PCDHGA4: variants seen among roughly 807,000 people sequenced by gnomAD.
The protein encoded by PCDHGA4 is protocadherin gamma subfamily A, 4.
PCDHGA4 carries 38 observed loss-of-function variants against 54.6 expected under a neutral mutation model. The ratio of observed to expected loss-of-function variants is 0.70; its 90% CI spans 0.54 to 0.91. The LOEUF is 0.91. Among genes scored for constraint, PCDHGA4 ranks in the 40% least tolerant of loss-of-function variants. The pLI is 0.00. For missense variants in PCDHGA4, 1,298 were observed against 1,220.9 expected, an observed-to-expected ratio of 1.06 and a Z score of -0.94; for synonymous variants, 511 against 512.9, an observed-to-expected ratio of 1.00 and a Z score of 0.05.
intron 1 of PCDHGA4, chr5:141,392,992 C>T (rs1233401263): frequency 1.2e-6 from 2 of 1,613,700 alleles, no homozygotes; most frequent in Non-Finnish European, 8.5e-7. Flanking sequence ...CGGAAGCTGG[C>T]GAAGCACGGA....
rs375619778 is a variant in PCDHGA4, at chr5:141,399,361, C to G, written c.2514+41740C>G. 11 of 1,613,960 alleles carry G rather than the reference C, an allele frequency of 6.8e-6. No homozygotes were observed. The Admixed American group carries it at 1.8e-4, about 27-fold the overall frequency. On this transcript the variant is annotated intron_variant, in intron 1 of 3. Transcript: ENST00000571252. ...TGGAACCCTAGACCGAGAGCAAACC[C>G]CGGAGTACAATGTCACCATCACAGC...
In PCDHGA4 at chr5:141,365,555, G is replaced by T. The variant is rs766239362; in HGVS notation, c.2514+7934G>T. ...TTACTATCACCTATTAACAACTAGG[G>T]ACCTGGACAGAGAAGAGACTTCAGA... On this transcript the variant is annotated intron_variant, in intron 1 of 3. Transcript: ENST00000571252. The T allele has an allele frequency of 4.3e-5, 70 of 1,613,524 alleles. No individual in the cohort carries two copies. The Admixed American group carries it at 5.7e-4, about 13-fold the overall frequency.
rs1024686607 is a variant in PCDHGA4, at chr5:141,487,597, T to C, written c.2515-7210T>C. 6.2e-7 allele frequency: 1 copy of C among 1,614,178 alleles called. No homozygotes were observed. The highest frequency in any genetic ancestry group is 8.5e-7 in the Non-Finnish European group (1 of 1,180,040). ...TTCGCCCAAGCTGCCCACCCTCTGA[T>C]CTTCTCTATGGGCTAGAGGTGAGAC... On this transcript the variant is annotated intron_variant, in intron 1 of 3. Coordinates refer to ENST00000571252, the MANE Select transcript of PCDHGA4 (RefSeq NM_018917.4). The surrounding 1 kb of genome is among the most constrained non-coding windows in gnomAD (Gnocchi z 5.0).
chr5:141,360,595 C>G, intron 1 of PCDHGA4: 2 of 1,614,022 alleles, frequency 1.2e-6, no homozygotes, highest in Non-Finnish European at 1.7e-6. Context: ...AACATTTCCA[C>G]TTGACCCAGC....
rs367914755 is a variant in PCDHGA4 at position 141,399,963 on chromosome 5, C to T, written c.2514+42342C>T. ...TGCTGCAGGCTAGCGAGCCCGGGCT[C>T]TTCAGCCTGGGGCTGCGCACAGGAG... On this transcript the variant is annotated intron_variant, in intron 1 of 3. Transcript: ENST00000571252. 793 of 1,612,310 alleles carry T rather than the reference C, an allele frequency of 4.9e-4. 4 individuals are homozygous for T. Among genetic ancestry groups the T allele is most frequent in the Non-Finnish European group, 3.8e-4 (443 of 1,179,704 alleles).
At chr5:141,498,588 A>G (rs1326073516) in intron 2 of PCDHGA4, among the ~76,000 whole-genome samples, 1 of 152,082 alleles carries the variant, frequency 6.6e-6, no homozygotes, top group Non-Finnish European at 1.5e-5. Context: ...GTTCTTCAGT[A>G]AACTTGGTTC....
chr5:141,370,781 C>T (rs774285137), intron 1 of PCDHGA4: 16 of 1,613,898 alleles, frequency 9.9e-6, no homozygotes, highest in Non-Finnish European at 1.3e-5. Context: ...TTAACGACAA[C>T]CCACCGACCT....
At chr5:141,379,736 T>G (rs1361966211) in intron 1 of PCDHGA4, 1 of 152,178 alleles carries the variant, frequency 6.6e-6, no homozygotes, top group Non-Finnish European at 1.5e-5. Context: ...AAGTTATGGC[T>G]AAATGAGGTT....
chr5:141,375,150 T>G, intron 1 of PCDHGA4: 1 of 1,613,946 alleles, frequency 6.2e-7, no homozygotes, highest in Non-Finnish European at 8.5e-7. Context: ...AGCAGAACAA[T>G]TGCTGAAAGT....
intron 1 of PCDHGA4, chr5:141,403,867 A>C (rs755401788): frequency 1.1e-5 from 17 of 1,613,606 alleles, no homozygotes; most frequent in Admixed American, 3.3e-5. Flanking sequence ...CAACAGCAAA[A>C]AGTCTAGATT....
chr5:141,370,433 G>A, intron 1 of PCDHGA4: 1 of 1,601,376 alleles, frequency 6.2e-7, no homozygotes, highest in Non-Finnish European at 8.5e-7. Flanking sequence ...CAGCAGGGCA[G>A]AGGCGAATGC....
At position 141,511,542 on chromosome 5, in the gene PCDHGA4, A is replaced by C; in HGVS notation, c.*369A>C. The stretch of plus-strand genomic sequence containing the variant: ...CCCATGCCTCCCTCCTCCCCACCCC[A>C]CTCCAACAGTTCCTCTTTCCCGAGT... On this transcript the variant is annotated 3_prime_UTR_variant, in exon 4 of 4. Coordinates refer to ENST00000571252, the MANE Select transcript of PCDHGA4 (RefSeq NM_018917.4). 6.6e-6 allele frequency: 2 copies of C among 302,184 alleles called. No homozygotes were observed. The highest frequency in any genetic ancestry group is 3.7e-5 in the South Asian group (1 of 26,678). The allele number at this position is 302,184 out of a possible 1,614,324, so 18.7% of individuals were successfully genotyped here. A position where few individuals can be genotyped will look rare whatever the true frequency, so the allele number is the denominator to read the frequency against.
At chr5:141,403,150 C>G (rs1420317278) in intron 1 of PCDHGA4, 2 of 1,614,046 alleles carry the variant, frequency 1.2e-6, no homozygotes, top group Non-Finnish European at 1.7e-6. Flanking sequence ...GAGTCCGCAT[C>G]GTCTCTAGAG....
At position 141,432,412 on chromosome 5, in the gene PCDHGA4, C is replaced by G. The variant is rs773688197; in HGVS notation, c.2515-62395C>G. 1.9e-6 allele frequency: 3 copies of G among 1,614,246 alleles called. No individual in the cohort carries two copies. The highest frequency in any genetic ancestry group is 2.2e-5 in the East Asian group (1 of 44,882). ...GCAGCAACGTGTCGTTGAGCCTGTT[C>G]GTGCTGGACCAGAACGACAATGCGC... On this transcript the variant is annotated intron_variant, in intron 1 of 3. Transcript: ENST00000571252. This position sits in a 1 kb window ranked among gnomAD's most constrained non-coding sequence, Gnocchi z 6.0.
intron 1 of PCDHGA4, chr5:141,366,337 T>C (rs370359448): frequency 2.7e-5 from 44 of 1,613,760 alleles, no homozygotes; most frequent in East Asian, 2.2e-5. Flanking sequence ...ACAGGATCCC[T>C]GACATCCTGG....
chr5:141,444,350 T>C (rs1021358194), intron 1 of PCDHGA4, among the ~76,000 whole-genome samples: 7 of 151,946 alleles, frequency 4.6e-5, no homozygotes, highest in Admixed American at 2.0e-4. Context: ...TTTGTATTTT[T>C]AGTAGAGACG....
rs1000330093 is a variant in PCDHGA4 at position 141,511,812 on chromosome 5, C to T, written c.*639C>T. 2.5e-5 allele frequency: 4 copies of T among 157,260 alleles called. No individual in the cohort carries two copies. Among genetic ancestry groups the T allele is most frequent in the African/African-American group, 9.6e-5 (4 of 41,492 alleles). The allele number at this position is 157,260 out of a possible 1,614,324, so 9.7% of individuals were successfully genotyped here. The stretch of plus-strand genomic sequence containing the variant: ...TAGGGAGGGCATTTTGCTACCAAGC[C>T]TCTTCCCAACGCCCTGGGGACCAGT... On this transcript the variant is annotated 3_prime_UTR_variant, in exon 4 of 4. Transcript: ENST00000571252.
chr5:141,482,891 G>A (rs1594277958), intron 1 of PCDHGA4, among the ~76,000 whole-genome samples: 2 of 152,168 alleles, frequency 1.3e-5, no homozygotes, highest in East Asian at 3.8e-4. Flanking sequence ...GGCCAACATG[G>A]TGAAACCTCA....
intron 1 of PCDHGA4, chr5:141,415,388 G>C (rs752789407): frequency 6.2e-7 from 1 of 1,614,236 alleles, no homozygotes; most frequent in East Asian, 2.2e-5. Flanking sequence ...GGCTTGACAG[G>C]TGTGTCCGGC....
Sources: gnomAD v4.1 joint callset for allele counts (sites outside exome capture counted in the v4.1 genomes callset) on GRCh38, gnomAD v4.1.1 for gene constraint, Gnocchi (gnomAD v3.1) non-coding constraint, MANE v1.5 for transcripts, NCBI Gene and HGNC (gene_info 2026-07-23, HGNC 2026-07-21) for gene names.